Variants in MYO1A observed in about 807,000 individuals in gnomAD.
MYO1A encodes myosin IA.
A neutral mutation model predicts 138.5 loss-of-function variants in MYO1A; 127 were observed. The observed-to-expected ratio is 0.92, with a 90% CI of 0.79 to 1.06. The LOEUF is 1.06. Ranked by LOEUF, MYO1A falls within the 50% of genes least tolerant of loss-of-function variation. MYO1A has a pLI of 0.00. For missense variants in MYO1A, 1,211 were observed against 1,288.8 expected, an observed-to-expected ratio of 0.94 and a Z score of 0.92; for synonymous variants, 477 against 497.5, an observed-to-expected ratio of 0.96 and a Z score of 0.55.
chr12:57,032,727 A>G (rs2030344296), intron 22 of MYO1A, among the ~76,000 whole-genome samples: 1 of 152,172 alleles, frequency 6.6e-6, no homozygotes, highest in Admixed American at 6.5e-5. Flanking sequence ...GAGCAGGAAG[A>G]GAGAGGATCA....
rs772688247 is a variant in MYO1A, at chr12:57,038,802, A to G, written c.1533+7T>C. The G allele has an allele frequency of 3.1e-6, 5 of 1,614,000 alleles. No individual in the cohort carries two copies. The highest frequency in any genetic ancestry group is 4.2e-6 in the Non-Finnish European group (5 of 1,179,994). ...CTAATCTCTGCCCTCCAGCCCTGCC[A>G]TTTCACCTTGCCCGCATAGTGGCAG... On this transcript the variant is annotated splice_region_variant and intron_variant, in intron 16 of 27. Transcript: ENST00000300119.
At chr12:57,032,613 G>A (rs1417545209) in intron 22 of MYO1A, among the ~76,000 whole-genome samples, 1 of 152,158 alleles carries the variant, frequency 6.6e-6, no homozygotes, top group Non-Finnish European at 1.5e-5. Flanking sequence ...AACCCGGGAG[G>A]TGGAGGTTGC....
chr12:57,029,007 T>C (rs2030122640), intron 27 of MYO1A, 125 bp downstream of exon 27: 2 of 1,596,328 alleles, frequency 1.3e-6, no homozygotes, highest in Admixed American at 3.4e-5. Context: ...GGTGGGGGCC[T>C]GAGAAACACC....
At chr12:57,036,210 T>A (rs181688554) in intron 22 of MYO1A, 97 bp downstream of exon 22, 1 of 1,230,872 alleles carries the variant, frequency 8.1e-7, no homozygotes, top group African/African-American at 1.5e-5. Flanking sequence ...AGGAAACTCT[T>A]GGGGGAAAGC....
rs773615052 is a variant in MYO1A, at chr12:57,038,400, C to T, written c.1760+12G>A. The T allele has an allele frequency of 2.5e-6, 4 of 1,613,554 alleles. No individual in the cohort carries two copies. In the Admixed American group the frequency reaches 6.7e-5, roughly 27 times the overall value. On this transcript the variant is annotated intron_variant, in intron 17 of 27. Coordinates refer to ENST00000300119, the MANE Select transcript of MYO1A (RefSeq NM_005379.4). Reference sequence around the variant, plus strand: ...CATATGTAGCATGTTCCCCTGCATGCCAGCATGTCACCTGATGTAGTTGGG... The same window carrying T: ...CATATGTAGCATGTTCCCCTGCATGTCAGCATGTCACCTGATGTAGTTGGG...
At position 57,030,243 on chromosome 12, in the gene MYO1A, A is replaced by C. The variant is rs1187540694; in HGVS notation, c.2558T>G (p.Leu853Arg). Residue 853 changes from leucine (L) to arginine (R), a missense_variant, in exon 24 of 28, where the codon CTG (leucine) becomes CGG (arginine). Leu to Arg is a moderately radical substitution (Grantham distance 102, BLOSUM62 -2). Transcript: ENST00000300119. The part of the protein sequence containing the change: ...ILREKLCASE[L>R]FKGKKASYPQ... ...ATATGAAGCCTTCTTGCCCTTGAACAGTTCACTGGCACAGAGCTTTTCCCT... is the reference window on the plus strand; with the variant it reads ...ATATGAAGCCTTCTTGCCCTTGAACCGTTCACTGGCACAGAGCTTTTCCCT... 10 of 1,614,130 alleles carry C rather than the reference A, an allele frequency of 6.2e-6. No homozygotes were observed. The highest frequency in any genetic ancestry group is 8.5e-6 in the Non-Finnish European group (10 of 1,179,984).
intron 1 of MYO1A, 57 bp from the exon 2 acceptor site, chr12:57,048,400 G>T: frequency 9.8e-7 from 1 of 1,020,900 alleles, no homozygotes. Flanking sequence ...GCCAGTAACT[G>T]TTTGAGGGGA....
In MYO1A at chr12:57,046,834, C is replaced by A. The variant is rs766474850; in HGVS notation, c.541+29G>T. 2.5e-6 allele frequency: 4 copies of A among 1,611,320 alleles called. No homozygotes were observed. The Admixed American group carries it at 6.7e-5, about 27-fold the overall frequency. On this transcript the variant is annotated intron_variant, in intron 7 of 27. Transcript: ENST00000300119. ...AGGGCCATGGGAGGCAGGTGGAAGA[C>A]AGGTGAGTGGAATTGGGGAGACACG...
Position 57,036,834 on chromosome 12 carries a change from T to C in MYO1A, c.2212A>G (p.Lys738Glu). ...GATGCCTTTATCTTCCCATAGCATT[T>C]CTTTTGCTGTAGAAAACATAGGAGT... Reference protein sequence around the residue: ...SSWFRGNMQKKCYGKIKASVL... With the variant: ...SSWFRGNMQKECYGKIKASVL... Residue 738 changes from lysine (K) to glutamate (E), a missense_variant, in exon 21 of 28, where the codon AAA becomes GAA. Lys to Glu is a moderately conservative substitution (Grantham distance 56). Coordinates refer to ENST00000300119, the MANE Select transcript of MYO1A (RefSeq NM_005379.4). 4.3e-6 allele frequency: 7 copies of C among 1,614,226 alleles called. No individual in the cohort carries two copies. Among genetic ancestry groups the C allele is most frequent in the Non-Finnish European group, 5.9e-6 (7 of 1,180,038 alleles).
In MYO1A at chr12:57,037,622, G is replaced by A. The variant is rs761942702; in HGVS notation, c.1981C>T (p.Leu661=). 5.6e-6 allele frequency: 9 copies of A among 1,614,088 alleles called. No homozygotes were observed. The highest frequency in any genetic ancestry group is 7.6e-6 in the Non-Finnish European group (9 of 1,180,024). ...GGDREGVEKV[L]GELSMSSGEL... is the part of the protein sequence containing the mutation. ...CCCGAGGACATGCTCAGCTCCCCCAGGACCTTCTCAACACCTTCCCTATGG... is the reference window on the plus strand; with the variant it reads ...CCCGAGGACATGCTCAGCTCCCCCAAGACCTTCTCAACACCTTCCCTATGG... The change falls in exon 19 of 28, where the codon CTG becomes TTG. Residue 661 remains leucine, a synonymous_variant. Transcript: ENST00000300119.
Position 57,048,217 on chromosome 12 carries a change from T to C in MYO1A, c.107A>G (p.Glu36Gly). The C allele has an allele frequency of 6.2e-7, 1 of 1,613,194 alleles. No homozygotes were observed. Among genetic ancestry groups the C allele is most frequent in the Non-Finnish European group, 8.5e-7 (1 of 1,179,380 alleles). ...CACCCATATGACACTCACATAAATC[T>C]CCTTGTTTTCATAGCGAAGCTGAAG... is the stretch of plus-strand genomic sequence containing the variant. ...KNLQLRYENKEIYTYIGNVVI... is the reference protein window; with the variant it reads ...KNLQLRYENKGIYTYIGNVVI... The change falls in exon 2 of 28, where the codon GAG becomes GGG. Residue 36 changes from glutamate to glycine, a missense_variant. Glu to Gly is a moderately conservative substitution (Grantham distance 98). Coordinates refer to ENST00000300119, the MANE Select transcript of MYO1A (RefSeq NM_005379.4).
intron 11 of MYO1A, 25 bp downstream of exon 11, chr12:57,043,215 C>T (rs2030939371): frequency 6.2e-7 from 1 of 1,613,740 alleles, no homozygotes; most frequent in East Asian, 2.2e-5. Flanking sequence ...CGAAACAGCC[C>T]CCTCCACTCC....
chr12:57,033,594 A>G (rs151320591), intron 22 of MYO1A, among the ~76,000 whole-genome samples: 1 of 152,232 alleles, frequency 6.6e-6, no homozygotes, highest in Non-Finnish European at 1.5e-5. Flanking sequence ...CCTGGGCTCA[A>G]GCAATATTCC....
In MYO1A at chr12:57,041,426, T is replaced by C; in HGVS notation, c.1164+6A>G. 1 of 1,609,654 alleles carries C rather than the reference T, an allele frequency of 6.2e-7. No individual in the cohort carries two copies. On this transcript the variant is annotated splice_donor_region_variant and intron_variant, in intron 13 of 27. Transcript: ENST00000300119. ...GGAGCAGGGTGCTGAGGTGAGGCACTCTCACCTCTAATATCTCAAAACCGT... is the reference window on the plus strand; with the variant it reads ...GGAGCAGGGTGCTGAGGTGAGGCACCCTCACCTCTAATATCTCAAAACCGT...
At chr12:57,044,673 T>TC (rs1453564929) in intron 8 of MYO1A, among the ~76,000 whole-genome samples, 3 of 152,132 alleles carry the variant, frequency 2.0e-5, no homozygotes. Flanking sequence ...CAGGCATGAG[T>TC]CACTCGGCCT....
chr12:57,033,944 T>C lies in MYO1A; in HGVS notation c.2349+2363A>G, dbSNP rs535789729. Among the ~76,000 whole-genome samples, 9 of 152,212 alleles carry C rather than the reference T, an allele frequency of 5.9e-5. No individual in the cohort carries two copies. The East Asian group carries it at 1.7e-3, about 29-fold the overall frequency. ...CCTGTGAAGGCCTCCAAGACTGGAG[T>C]CCCCAGTCCCTAGTCTGATTTTATT... On this transcript the variant is annotated intron_variant, in intron 22 of 27. Coordinates refer to ENST00000300119, the MANE Select transcript of MYO1A (RefSeq NM_005379.4).
chr12:57,045,360 C>T (rs996527665), intron 8 of MYO1A, among the ~76,000 whole-genome samples: 2 of 152,014 alleles, frequency 1.3e-5, no homozygotes, highest in African/African-American at 2.4e-5. Context: ...AGTCTAATGG[C>T]AGCTCCCCCA....
At chr12:57,048,389 G>A in intron 1 of MYO1A, 46 bp from the exon 2 acceptor site, 2 of 1,137,224 alleles carry the variant, frequency 1.8e-6, no homozygotes, top group South Asian at 2.5e-5. Context: ...CAGCTTTAGG[G>A]GCCAGTAACT....
intron 22 of MYO1A, among the ~76,000 whole-genome samples, chr12:57,033,886 G>A (rs2030408358): frequency 6.6e-6 from 1 of 152,244 alleles, no homozygotes; most frequent in South Asian, 2.1e-4. Context: ...TTCCACTGCA[G>A]GTCTAGTGGG....
Sources: allele counts gnomAD v4.1 joint callset (sites outside exome capture counted in the v4.1 genomes callset), GRCh38; gene constraint gnomAD v4.1.1; transcripts MANE v1.5; gene names NCBI Gene and HGNC (gene_info 2026-07-23, HGNC 2026-07-21).